The following SRC variants were observed in gnomAD, a reference collection of about 807,000 sequenced individuals.
The protein encoded by SRC is proto-oncogene tyrosine-protein kinase Src.
In SRC, 13 loss-of-function variants were observed where a neutral mutation model predicts 62.9. The ratio of observed to expected loss-of-function variants is 0.21; its 90% CI spans 0.13 to 0.33. The LOEUF is 0.33. Ranked by LOEUF, SRC falls within the 10% of genes least tolerant of loss-of-function variation. The pLI, the probability that SRC is intolerant of heterozygous loss-of-function variation, is 1.00. For missense variants in SRC, 457 were observed against 737.3 expected (o/e 0.62, Z 4.40); for synonymous variants, 302 against 317.5 (o/e 0.95, Z 0.52).
chr20:37,357,366 AG>A (rs2069898880), intron 1 of SRC, among the ~76,000 whole-genome samples: 2 of 152,152 alleles, frequency 1.3e-5, no homozygotes, highest in South Asian at 4.1e-4. Context: ...CCACCTTCTC[AG>A]GCAAGTCCCA....
chr20:37,354,778 C>T (rs2069856383), intron 1 of SRC, among the ~76,000 whole-genome samples: 1 of 152,226 alleles, frequency 6.6e-6, no homozygotes, highest in South Asian at 2.1e-4. Context: ...TGCCACATCA[C>T]TGCGTCTGCC....
In SRC at chr20:37,400,125, C is replaced by A; in HGVS notation, c.870C>A (p.Asn290Lys). The change falls in exon 10 of 14, where the codon AAC (asparagine) becomes AAA (lysine). Residue 290 changes from asparagine to lysine, a missense_variant. Physicochemically the swap from Asn to Lys is moderately conservative, Grantham distance 94 (BLOSUM62 0). Coordinates refer to ENST00000373578, the MANE Select transcript of SRC (RefSeq NM_198291.3). ...ATCCCTCCTCAACAGGGACCTGGAACGGTACCACCAGGGTGGCCATCAAAA... is the reference window on the plus strand; with the variant it reads ...ATCCCTCCTCAACAGGGACCTGGAAAGGTACCACCAGGGTGGCCATCAAAA... ...CFGEVWMGTW[N>K]GTTRVAIKTL... The A allele has an allele frequency of 6.2e-7, 1 of 1,607,452 alleles. No individual in the cohort carries two copies. Among genetic ancestry groups the A allele is most frequent in the Non-Finnish European group, 8.5e-7 (1 of 1,176,582 alleles).
In SRC at chr20:37,351,251, A is replaced by C. The variant is rs768289566; in HGVS notation, c.-247+4996A>C. Among the ~76,000 whole-genome samples the C allele has an allele frequency of 3.9e-5, 6 of 152,178 alleles. No individual in the cohort carries two copies. Among genetic ancestry groups the C allele is most frequent in the Non-Finnish European group, 8.8e-5 (6 of 68,024 alleles). On this transcript the variant is annotated intron_variant, in intron 1 of 13. Coordinates refer to ENST00000373578, the MANE Select transcript of SRC (RefSeq NM_198291.3). This position sits in a 1 kb window ranked among gnomAD's most constrained non-coding sequence, Gnocchi z 4.4. The stretch of plus-strand genomic sequence containing the variant: ...GTTCCAGAGTAAAAGGAGAAGCCAG[A>C]AGGGAGGAGAAGTTGAATGATCTTG...
At position 37,398,222 on chromosome 20, in the gene SRC, C is replaced by T. The variant is rs1360721112; in HGVS notation, c.859+368C>T. Among the ~76,000 whole-genome samples the T allele has an allele frequency of 6.6e-6, 1 of 152,208 alleles. No individual in the cohort carries two copies. The highest frequency in any genetic ancestry group is 2.4e-5 in the African/African-American group (1 of 41,462). Reference sequence around the variant, plus strand: ...GACCCTGACCCAGTGCGTGTCCACACACTAGCTGTTCGCCATGGAGAGAGA... The same window carrying T: ...GACCCTGACCCAGTGCGTGTCCACATACTAGCTGTTCGCCATGGAGAGAGA... On this transcript the variant is annotated intron_variant, in intron 9 of 13. Coordinates refer to ENST00000373578, the MANE Select transcript of SRC (RefSeq NM_198291.3). This position sits in a 1 kb window ranked among gnomAD's most constrained non-coding sequence, Gnocchi z 5.2.
chr20:37,378,890 C>T (rs1264394370), intron 2 of SRC, among the ~76,000 whole-genome samples: 2 of 152,006 alleles, frequency 1.3e-5, no homozygotes, highest in Admixed American at 6.6e-5. Context: ...TCAGGAACTA[C>T]CCCGGGGCTC....
At chr20:37,382,178 G>T (rs1207813646) in intron 2 of SRC, among the ~76,000 whole-genome samples, 1 of 152,110 alleles carries the variant, frequency 6.6e-6, no homozygotes, top group Non-Finnish European at 1.5e-5. Context: ...ATCGGAACCT[G>T]CCTCCCTGGT....
At chr20:37,368,005 T>C (rs563001678) in intron 2 of SRC, among the ~76,000 whole-genome samples, 9 of 152,312 alleles carry the variant, frequency 5.9e-5, no homozygotes, top group African/African-American at 1.9e-4. Flanking sequence ...TTTCTCCTAT[T>C]CTGTGGGTTG....
chr20:37,371,073 C>T (rs551751501), intron 2 of SRC, among the ~76,000 whole-genome samples: 1 of 151,610 alleles, frequency 6.6e-6, no homozygotes, highest in African/African-American at 2.4e-5. Context: ...ACCTCAACCT[C>T]CGCCTCTTGG....
At chr20:37,394,126 G>A (rs1226448108) in intron 6 of SRC, 48 bp from the exon 7 acceptor site, 9 of 1,587,042 alleles carry the variant, frequency 5.7e-6, no homozygotes, top group East Asian at 2.2e-5. Flanking sequence ...ACTGTGAGTG[G>A]GCAGAAGCCT....
In SRC at chr20:37,398,363, G is replaced by T. The variant is rs1374076115; in HGVS notation, c.859+509G>T. The stretch of plus-strand genomic sequence containing the variant: ...CAAAGCATGAGCACCGTGCAGCCCT[G>T]ACAAAACCCAGGCCCCTCTTCCACC... On this transcript the variant is annotated intron_variant, in intron 9 of 13. Transcript: ENST00000373578. The surrounding 1 kb of genome is among the most constrained non-coding windows in gnomAD (Gnocchi z 5.2). Among the ~76,000 whole-genome samples, 1 of 152,216 alleles carries T rather than the reference G, an allele frequency of 6.6e-6. No individual in the cohort carries two copies. Among genetic ancestry groups the T allele is most frequent in the South Asian group, 2.1e-4 (1 of 4,832 alleles).
intron 1 of SRC, among the ~76,000 whole-genome samples, chr20:37,352,322 C>T (rs1012291381): frequency 6.6e-6 from 1 of 152,254 alleles, no homozygotes; most frequent in Non-Finnish European, 1.5e-5. Flanking sequence ...AGGCAGGAAT[C>T]CTGGGCCTCT....
At chr20:37,368,789 G>A (rs937306373) in intron 2 of SRC, among the ~76,000 whole-genome samples, 1 of 151,802 alleles carries the variant, frequency 6.6e-6, no homozygotes, top group African/African-American at 2.4e-5. Context: ...CTGACCTCGT[G>A]ATCCGCCCGC....
intron 2 of SRC, among the ~76,000 whole-genome samples, chr20:37,371,321 G>GT (rs1267347170): frequency 9.2e-5 from 14 of 151,930 alleles, no homozygotes; most frequent in African/African-American, 2.4e-4. Flanking sequence ...GATAATTTGT[G>GT]TTTTTTTCCT....
In SRC at chr20:37,402,346, G is replaced by T; in HGVS notation, c.1117-89G>T. On this transcript the variant is annotated intron_variant, in intron 11 of 13. Transcript: ENST00000373578. This position sits in a 1 kb window ranked among gnomAD's most constrained non-coding sequence, Gnocchi z 6.2. ...AGAAGTGTGGGGAGGGTGGGGAAGG[G>T]GTGGTTGGCTCTCCAGCCCCAGAGT... 1 of 1,507,200 alleles carries T rather than the reference G, an allele frequency of 6.6e-7. No individual in the cohort carries two copies. The highest frequency in any genetic ancestry group is 9.0e-7 in the Non-Finnish European group (1 of 1,112,960). 93.4% of individuals were successfully genotyped at this position (1,507,200 alleles called of 1,614,324 possible).
At position 37,396,717 on chromosome 20, in the gene SRC, C is replaced by T. The variant is rs184664123; in HGVS notation, c.703+406C>T. The T allele has an allele frequency of 3.6e-5, 7 of 195,376 alleles. No homozygotes were observed. Among genetic ancestry groups the T allele is most frequent in the South Asian group, 1.1e-4 (1 of 8,800 alleles). The allele number at this position is 195,376 out of a possible 1,614,324, so 12.1% of individuals were successfully genotyped here. On this transcript the variant is annotated intron_variant, in intron 8 of 13. Transcript: ENST00000373578. The surrounding 1 kb of genome is among the most constrained non-coding windows in gnomAD (Gnocchi z 6.1). ...GGAGAGGAGGAGGGGGCGGCCAGAT[C>T]GATTGCAGCAAAGAGGGAAGAGAGC...
rs1334204322 is a variant in SRC, at chr20:37,346,222, G to T, written c.-280G>T. On this transcript the variant is annotated 5_prime_UTR_variant, in exon 1 of 14. Coordinates refer to ENST00000373578, the MANE Select transcript of SRC (RefSeq NM_198291.3). ...CCGCGGTCCGCCCTCCCGTGCGTCC[G>T]TCTGCCGGTGAGCCCGCCCGCCCGC... 6.6e-6 allele frequency: 1 copy of T among 150,976 alleles called. No homozygotes were observed. The highest frequency in any genetic ancestry group is 2.0e-4 in the East Asian group (1 of 5,070). 9.4% of individuals were successfully genotyped at this position (150,976 alleles called of 1,614,324 possible).
intron 5 of SRC, 196 bp from the exon 6 acceptor site, chr20:37,393,699 C>T (rs764068933): frequency 9.5e-5 from 54 of 565,954 alleles, no homozygotes; most frequent in Non-Finnish European, 1.3e-4. Context: ...GGCAAAAAGG[C>T]GTCTGCGCCA....
At chr20:37,391,363 C>G (rs1393659807) in intron 5 of SRC, among the ~76,000 whole-genome samples, 2 of 152,216 alleles carry the variant, frequency 1.3e-5, no homozygotes, top group Non-Finnish European at 2.9e-5. Context: ...CCCTGCTTCT[C>G]ACTCTTGCTC....
chr20:37,367,511 AT>A (rs2070082616), intron 2 of SRC, among the ~76,000 whole-genome samples: 1 of 145,300 alleles, frequency 6.9e-6, no homozygotes, highest in Non-Finnish European at 1.5e-5. Context: ...AATGTAATCT[AT>A]TTTTTTCCTT....
Sources: allele counts gnomAD v4.1 joint callset (sites outside exome capture counted in the v4.1 genomes callset), GRCh38; gene constraint gnomAD v4.1.1; non-coding constraint Gnocchi (gnomAD v3.1); transcripts MANE v1.5; gene names NCBI Gene and HGNC (gene_info 2026-07-23, HGNC 2026-07-21).